Variants in VPS13A observed in about 807,000 individuals in gnomAD.
VPS13A encodes vacuolar protein sorting 13 homolog A.
A neutral mutation model predicts 390.9 loss-of-function variants in VPS13A; 264 were observed. The ratio of observed to expected loss-of-function variants is 0.68; its 90% CI spans 0.61 to 0.75. The LOEUF is 0.75. VPS13A is among the 30% of genes least tolerant of loss of function. VPS13A has a pLI of 0.00. For synonymous variants in VPS13A, 1,231 were observed against 1,227.1 expected (o/e 1.00, Z -0.07); for missense variants, 3,409 against 3,733.9 (o/e 0.91, Z 2.27).
At chr9:77,352,865 A>T (rs923654034) in intron 53 of VPS13A, among the ~76,000 whole-genome samples, 62 of 152,260 alleles carry the variant, frequency 4.1e-4, no homozygotes, top group African/African-American at 1.5e-3. Flanking sequence ...AATATTAATT[A>T]TGAGAATTTG....
chr9:77,411,614 G>A (rs1834926331), intron 71 of VPS13A, among the ~76,000 whole-genome samples: 1 of 126,152 alleles, frequency 7.9e-6, no homozygotes, highest in African/African-American at 3.0e-5. Flanking sequence ...AATCAGCCGA[G>A]ATGGCGCCAC....
chr9:77,233,625 T>C (rs1823967401), intron 17 of VPS13A, among the ~76,000 whole-genome samples: 1 of 152,162 alleles, frequency 6.6e-6, no homozygotes, highest in South Asian at 2.1e-4. Flanking sequence ...TTTCAACGTA[T>C]TTTCTGATTT....
At chr9:77,216,734 T>C (rs1485083657) in intron 10 of VPS13A, among the ~76,000 whole-genome samples, 2 of 152,188 alleles carry the variant, frequency 1.3e-5, no homozygotes, top group African/African-American at 4.8e-5. Flanking sequence ...TTGACTCACA[T>C]GATCACAAGG....
chr9:77,315,518 C>T (rs748372195), intron 38 of VPS13A, 48 bp downstream of exon 38: 6 of 1,544,758 alleles, frequency 3.9e-6, no homozygotes, highest in African/African-American at 1.4e-5. Context: ...TGAAGTGCTA[C>T]AACAGGACTT....
Position 77,257,073 on chromosome 9 carries a change from A to G in VPS13A, c.2289-3013A>G, listed in dbSNP as rs138855768. On this transcript the variant is annotated intron_variant, in intron 22 of 71. Transcript: ENST00000360280. The stretch of plus-strand genomic sequence containing the variant: ...TGTCTTACAGCTTTTTTGATCCCTC[A>G]TTTCCTCCTTTAATGGTGCCCTTTG... 5.7e-4 allele frequency among the ~76,000 whole-genome samples: 87 copies of G among 151,640 alleles called. No individual in the cohort carries two copies. In the East Asian group the frequency reaches 0.016, roughly 28 times the overall value.
intron 34 of VPS13A, among the ~76,000 whole-genome samples, chr9:77,303,379 A>G (rs947235008): frequency 6.6e-6 from 1 of 152,106 alleles, no homozygotes; most frequent in African/African-American, 2.4e-5. Context: ...AAGTAATCAG[A>G]CACATAATTA....
rs918499256 is a variant in VPS13A at position 77,298,537 on chromosome 9, TC to T, written c.3812+2692del. 7.2e-5 allele frequency among the ~76,000 whole-genome samples: 11 copies of T among 152,288 alleles called. No homozygotes were observed. The South Asian group carries it at 1.7e-3, about 23-fold the overall frequency. On this transcript the variant is annotated intron_variant, in intron 33 of 71. Transcript: ENST00000360280. ...GAATTAATAGTGTATCATTTTTTTT[TC>T]ATGCAGTACTTGGTATTTTGTATTT... is the stretch of plus-strand genomic sequence containing the variant.
intron 10 of VPS13A, among the ~76,000 whole-genome samples, chr9:77,214,912 C>G (rs1822769043): frequency 6.6e-6 from 1 of 152,168 alleles, no homozygotes; most frequent in African/African-American, 2.4e-5. Context: ...TATGGGCACA[C>G]ACTGCCACAC....
chr9:77,284,553 T>C (rs1032821186), intron 31 of VPS13A, among the ~76,000 whole-genome samples: 1 of 152,128 alleles, frequency 6.6e-6, no homozygotes, highest in Non-Finnish European at 1.5e-5. Flanking sequence ...TTAAAAATCA[T>C]AAGTATCAGA....
At chr9:77,358,509 A>ATGAAGTGAAACCATTCT in intron 57 of VPS13A, 71 bp downstream of exon 57, 1 of 1,305,464 alleles carries the variant, frequency 7.7e-7, no homozygotes, top group East Asian at 2.4e-5. Flanking sequence ...CTATAAAAAT[A>ATGAAGTGAAACCATTCT]TGAAGTGAAA....
At chr9:77,198,640 A>G (rs910720559) in intron 1 of VPS13A, among the ~76,000 whole-genome samples, 1 of 151,274 alleles carries the variant, frequency 6.6e-6, no homozygotes, top group African/African-American at 2.4e-5. Context: ...ACGTACTTTT[A>G]TTTTTTTTGT....
At chr9:77,373,144 T>G (rs1176784751) in intron 67 of VPS13A, among the ~76,000 whole-genome samples, 1 of 151,822 alleles carries the variant, frequency 6.6e-6, no homozygotes, top group Non-Finnish European at 1.5e-5. Context: ...ACTTTAAAGT[T>G]CATATGGAAC....
chr9:77,407,752 A>G, intron 71 of VPS13A, 145 bp downstream of exon 71: 1 of 677,650 alleles, frequency 1.5e-6, no homozygotes, highest in Non-Finnish European at 2.6e-6. Flanking sequence ...TTAAAAGTAT[A>G]TGTAACCAGA....
chr9:77,367,915 A>G, intron 61 of VPS13A, 140 bp from the exon 62 acceptor site: 2 of 772,390 alleles, frequency 2.6e-6, no homozygotes, highest in South Asian at 3.3e-5. Flanking sequence ...TAAAAAGTAA[A>G]TTTCCTGATT....
At chr9:77,298,084 C>T (rs961085450) in intron 33 of VPS13A, among the ~76,000 whole-genome samples, 52 of 152,148 alleles carry the variant, frequency 3.4e-4, no homozygotes, top group African/African-American at 1.2e-3. Context: ...TGATACACTT[C>T]ACTGAGATAA....
At chr9:77,373,018 C>T (rs1832868995) in intron 67 of VPS13A, among the ~76,000 whole-genome samples, 2 of 152,142 alleles carry the variant, frequency 1.3e-5, no homozygotes, top group Non-Finnish European at 2.9e-5. Flanking sequence ...ATTCCATGCT[C>T]ATGGGTAGGA....
chr9:77,392,709 AAAAACTATATATACACTATAT>A (rs1268032746), intron 68 of VPS13A, among the ~76,000 whole-genome samples: 23 of 151,038 alleles, frequency 1.5e-4, no homozygotes, highest in African/African-American at 5.3e-4. Flanking sequence ...CACGTCGTTA[AAAAACTATATATACACTATAT>A]AAAACTATAT....
At chr9:77,239,825 C>T (rs1166361109) in intron 19 of VPS13A, among the ~76,000 whole-genome samples, 1 of 151,776 alleles carries the variant, frequency 6.6e-6, no homozygotes, top group African/African-American at 2.4e-5. Flanking sequence ...CTTTCTTCCC[C>T]CTTCCCTACA....
chr9:77,286,619 ACTTT>A (rs1387250421), intron 31 of VPS13A, among the ~76,000 whole-genome samples: 1 of 152,034 alleles, frequency 6.6e-6, no homozygotes, highest in African/African-American at 2.4e-5. Context: ...TGACAGTTTG[ACTTT>A]CTTTCGCTTC....
Sources: allele counts gnomAD v4.1 joint callset (sites outside exome capture counted in the v4.1 genomes callset), GRCh38; gene constraint gnomAD v4.1.1; transcripts MANE v1.5; gene names NCBI Gene and HGNC (gene_info 2026-07-23, HGNC 2026-07-21).